The following IDE variants were observed in gnomAD, a reference collection of about 807,000 sequenced individuals.
The protein encoded by IDE is insulin-degrading enzyme.
In IDE, 58 loss-of-function variants were observed where a neutral mutation model predicts 133.2. The observed-to-expected ratio is 0.44, with a 90% confidence interval of 0.35 to 0.54. The LOEUF (loss-of-function observed/expected upper bound fraction) is 0.54, where lower values mean the gene tolerates loss of function less well. Among genes scored for constraint, IDE ranks in the 20% least tolerant of loss-of-function variants. The pLI is 0.00. For missense variants in IDE, 981 were observed against 1,234.0 expected, an observed-to-expected ratio of 0.79 and a Z score of 3.07; for synonymous variants, 396 against 421.3, an observed-to-expected ratio of 0.94 and a Z score of 0.73.
chr10:92,540,706 A>G (rs1438464727), intron 1 of IDE, among the ~76,000 whole-genome samples: 2 of 152,236 alleles, frequency 1.3e-5, no homozygotes, highest in Non-Finnish European at 1.5e-5. Flanking sequence ...CCAAACCACA[A>G]CTGTGTAGAG....
At chr10:92,472,931 C>A (rs1334334826) in intron 17 of IDE, among the ~76,000 whole-genome samples, 2 of 150,294 alleles carry the variant, frequency 1.3e-5, no homozygotes, top group Admixed American at 6.7e-5. Flanking sequence ...GCCACCATGC[C>A]CAGCCCAGAA....
chr10:92,536,437 G>A (rs985636581), intron 2 of IDE, among the ~76,000 whole-genome samples: 1 of 148,372 alleles, frequency 6.7e-6, no homozygotes, highest in Non-Finnish European at 1.5e-5. Flanking sequence ...AGTGGCTCAC[G>A]CCTGTAATCC....
In IDE at chr10:92,515,035, T is replaced by C; in HGVS notation, c.669A>G (p.Lys223=). The C allele has an allele frequency of 6.3e-7, 1 of 1,592,378 alleles. No homozygotes were observed. Among genetic ancestry groups the C allele is most frequent in the South Asian group, 1.2e-5 (1 of 85,746 alleles). The change falls in exon 5 of 25, where the codon AAA becomes AAG. Residue 223 remains lysine, a synonymous_variant. Transcript: ENST00000265986. ...GGTTTGGTCTAGTCTCCAGAGTATA[T>C]TTGTTACCTGGAAGGGAAGAAAAGG... ...HPFSKFGTGN[K]YTLETRPNQE...
chr10:92,550,134 C>T (rs1024642511), intron 1 of IDE, among the ~76,000 whole-genome samples: 5 of 151,972 alleles, frequency 3.3e-5, no homozygotes, highest in African/African-American at 4.8e-5. Context: ...CGCCATTGCA[C>T]GTCAGCCTGG....
intron 11 of IDE, 92 bp from the exon 12 acceptor site, chr10:92,490,687 T>C (rs1847292730): frequency 1.3e-6 from 1 of 774,410 alleles, no homozygotes; most frequent in Admixed American, 2.3e-5. Flanking sequence ...ATAAACAATA[T>C]CCAAGAATGT....
At chr10:92,556,179 C>CAAAAAAA (rs60008680) in intron 1 of IDE, among the ~76,000 whole-genome samples, 62 of 68,920 alleles carry the variant, frequency 9.0e-4, no homozygotes, top group South Asian at 5.4e-3. Context: ...GACTCCGTCT[C>CAAAAAAA]AAAAAAAAAA....
At chr10:92,499,381 G>A (rs1046766627) in intron 11 of IDE, among the ~76,000 whole-genome samples, 1 of 151,922 alleles carries the variant, frequency 6.6e-6, no homozygotes, top group African/African-American at 2.4e-5. Context: ...CTGACCTCAG[G>A]TGATCCACCC....
At chr10:92,508,045 G>T in intron 8 of IDE, 68 bp downstream of exon 8, 1 of 1,081,242 alleles carries the variant, frequency 9.2e-7, no homozygotes, top group Middle Eastern at 2.0e-4. Context: ...TCCACAGCAT[G>T]AAGAAGTTAA....
In IDE at chr10:92,475,930, G is replaced by C; in HGVS notation, c.1949C>G (p.Ala650Gly). 1.9e-6 allele frequency: 3 copies of C among 1,546,858 alleles called. No individual in the cohort carries two copies. Among genetic ancestry groups the C allele is most frequent in the Non-Finnish European group, 2.7e-6 (3 of 1,130,838 alleles). Residue 650 changes from alanine (A) to glycine (G), a missense_variant, in exon 16 of 25, where the codon GCT becomes GGT. Physicochemically the swap from Ala to Gly is moderately conservative, Grantham distance 60 (BLOSUM62 0). This residue lies in a region of IDE where 660 missense variants were observed against 894.7 expected (regional missense o/e 0.74). Coordinates refer to ENST00000265986, the MANE Select transcript of IDE (RefSeq NM_004969.4). ...ILLKKIIEKM[A>G]TFEIDEKRFE... The stretch of plus-strand genomic sequence containing the variant: ...TCTTTTTTCATCAATCTCAAAGGTA[G>C]CCATTTTCTCAATAATCTTCTTTAG...
Position 92,500,115 on chromosome 10 carries a change from T to A in IDE, c.1430+4679A>T, listed in dbSNP as rs375362365. On this transcript the variant is annotated intron_variant, in intron 11 of 24. Coordinates refer to ENST00000265986, the MANE Select transcript of IDE (RefSeq NM_004969.4). ...GAGTTCGAGACCAGCCTGACCAACA[T>A]GGAGAAACCCCGTCTCTATTAAAAA... 1.6e-4 allele frequency among the ~76,000 whole-genome samples: 25 copies of A among 152,012 alleles called. No individual in the cohort carries two copies. In the East Asian group the frequency reaches 2.3e-3, roughly 14 times the overall value.
At chr10:92,569,665 A>G (rs1266571218) in intron 1 of IDE, among the ~76,000 whole-genome samples, 1 of 152,174 alleles carries the variant, frequency 6.6e-6, no homozygotes, top group Non-Finnish European at 1.5e-5. Flanking sequence ...AATGATAACA[A>G]CATAGCAAAA....
At chr10:92,541,145 T>C (rs1842285188) in intron 1 of IDE, among the ~76,000 whole-genome samples, 1 of 152,136 alleles carries the variant, frequency 6.6e-6, no homozygotes, top group African/African-American at 2.4e-5. Context: ...TACTCCCTAA[T>C]CAAATATCAT....
chr10:92,548,250 C>T (rs1439276110), intron 1 of IDE, among the ~76,000 whole-genome samples: 1 of 150,744 alleles, frequency 6.6e-6, no homozygotes, highest in Non-Finnish European at 1.5e-5. Context: ...ATCCCAGCTA[C>T]TCGGGAGGCT....
chr10:92,486,431 C>T (rs909210512), intron 13 of IDE, among the ~76,000 whole-genome samples: 2 of 152,114 alleles, frequency 1.3e-5, no homozygotes, highest in African/African-American at 4.8e-5. Context: ...TGTTCCTAAA[C>T]ACTAATTGTT....
At chr10:92,489,422 C>T (rs1847214382) in intron 12 of IDE, among the ~76,000 whole-genome samples, 1 of 151,976 alleles carries the variant, frequency 6.6e-6, no homozygotes, top group Non-Finnish European at 1.5e-5. Flanking sequence ...TGGTGGCATG[C>T]GCCTATAGTC....
At chr10:92,520,452 G>A (rs1211362783) in intron 4 of IDE, among the ~76,000 whole-genome samples, 1 of 152,100 alleles carries the variant, frequency 6.6e-6, no homozygotes, top group African/African-American at 2.4e-5. Flanking sequence ...GAAACCACAG[G>A]TTTCTCCAAT....
Position 92,479,349 on chromosome 10 carries a change from G to C in IDE, c.1812C>G (p.Leu604=), listed in dbSNP as rs1846464803. 1.9e-6 allele frequency: 3 copies of C among 1,613,292 alleles called. No individual in the cohort carries two copies. The highest frequency in any genetic ancestry group is 1.3e-5 in the African/African-American group (1 of 74,912). ...YLYLELLKDS[L]NEYAYAAELA... ...GCTCTGCTGCATATGCATACTCGTT[G>C]AGTGAGTCTTTGAGGAGCTCAAGGT... The change falls in exon 15 of 25, where the codon CTC becomes CTG. Residue 604 remains leucine (L), a synonymous_variant. Coordinates refer to ENST00000265986, the MANE Select transcript of IDE (RefSeq NM_004969.4).
intron 15 of IDE, among the ~76,000 whole-genome samples, chr10:92,478,159 T>C (rs1178523810): frequency 1.3e-5 from 2 of 152,222 alleles, no homozygotes; most frequent in African/African-American, 2.4e-5. Context: ...ATGGATTTAA[T>C]AAATGCTTAT....
intron 1 of IDE, among the ~76,000 whole-genome samples, chr10:92,564,154 A>G (rs1019966998): frequency 6.6e-6 from 1 of 152,172 alleles, no homozygotes; most frequent in Admixed American, 6.6e-5. Context: ...CCAATATACA[A>G]CTACTCTTGA....
Sources: allele counts gnomAD v4.1 joint callset (sites outside exome capture counted in the v4.1 genomes callset), GRCh38; gene constraint gnomAD v4.1.1; regional missense constraint gnomAD v4.1.1; transcripts MANE v1.5; gene names NCBI Gene and HGNC (gene_info 2026-07-23, HGNC 2026-07-21).